Variants in GRID2 observed in about 807,000 individuals in gnomAD.
The protein encoded by GRID2 is glutamate receptor ionotropic, delta-2.
A neutral mutation model predicts 114.8 loss-of-function variants in GRID2; 33 were observed. That is an observed-to-expected ratio of 0.29 (90% CI 0.22 to 0.38). The LOEUF (loss-of-function observed/expected upper bound fraction) is 0.38, where lower values mean the gene tolerates loss of function less well. GRID2 is among the 10% of genes least tolerant of loss of function. The pLI is 1.00. For missense variants in GRID2, 1,184 were observed against 1,257.7 expected (o/e 0.94, Z 0.89); for synonymous variants, 505 against 449.9 (o/e 1.12, Z -1.55).
At chr4:93,690,740 G>A (rs1475824742) in intron 14 of GRID2, among the ~76,000 whole-genome samples, 1 of 151,356 alleles carries the variant, frequency 6.6e-6, no homozygotes, top group East Asian at 1.9e-4. Flanking sequence ...TCAATATAAT[G>A]TACATATACA....
chr4:92,332,363 A>G (rs10015916), intron 1 of GRID2, among the ~76,000 whole-genome samples: 26,321 of 151,914 alleles, frequency 0.17, 3,187 homozygotes, highest in African/African-American at 0.35. Context: ...TCATTCATGA[A>G]GGTGGAGCCC....
chr4:92,846,703 G>A (rs1320608288), intron 2 of GRID2, among the ~76,000 whole-genome samples: 1 of 152,190 alleles, frequency 6.6e-6, no homozygotes, highest in Non-Finnish European at 1.5e-5. Flanking sequence ...GGAAGATGAA[G>A]TGACGTGAAT....
chr4:92,698,872 T>A (rs1460386010), intron 2 of GRID2, among the ~76,000 whole-genome samples: 1 of 152,144 alleles, frequency 6.6e-6, no homozygotes, highest in African/African-American at 2.4e-5. Flanking sequence ...CAAAATTGCA[T>A]TAACAAAAAC....
At chr4:92,568,747 C>T (rs1727472175) in intron 1 of GRID2, among the ~76,000 whole-genome samples, 1 of 151,952 alleles carries the variant, frequency 6.6e-6, no homozygotes, top group South Asian at 2.1e-4. Flanking sequence ...CAGTAGGTCC[C>T]AGTGTCTGTT....
chr4:93,585,257 A>T (rs909411765), intron 13 of GRID2, among the ~76,000 whole-genome samples: 2 of 151,892 alleles, frequency 1.3e-5, no homozygotes, highest in African/African-American at 2.4e-5. Flanking sequence ...CAGGATCTTG[A>T]TCTCATTTGT....
chr4:92,957,764 A>G (rs532440692), intron 2 of GRID2, among the ~76,000 whole-genome samples: 2 of 152,222 alleles, frequency 1.3e-5, no homozygotes, highest in South Asian at 4.1e-4. Flanking sequence ...TATTGAAAAT[A>G]TTGAATCTTT....
chr4:92,578,958 A>G (rs1032308708), intron 1 of GRID2, among the ~76,000 whole-genome samples: 1 of 152,132 alleles, frequency 6.6e-6, no homozygotes, highest in African/African-American at 2.4e-5. Context: ...ATGTTTGCCA[A>G]TTTGCTTTAT....
At chr4:92,356,938 T>G (rs757236655) in intron 1 of GRID2, among the ~76,000 whole-genome samples, 5 of 151,808 alleles carry the variant, frequency 3.3e-5, no homozygotes, top group Non-Finnish European at 5.9e-5. Context: ...TCTAGCAAGG[T>G]TGGAATACCA....
rs72889661 is a variant in GRID2, at chr4:93,189,638, A to G, written c.736-17766A>G. On this transcript the variant is annotated intron_variant, in intron 4 of 15. Transcript: ENST00000282020. ...ATTCAATCATATTAATTTTTTGTTC[A>G]GCACCATACCGAAGTATCCACATAT... is the stretch of plus-strand genomic sequence containing the variant. Among the ~76,000 whole-genome samples, 1,147 of 152,190 alleles carry G rather than the reference A, an allele frequency of 7.5e-3. 19 individuals are homozygous for G. Among genetic ancestry groups the G allele is most frequent in the African/African-American group, 0.026 (1,095 of 41,542 alleles).
chr4:92,372,989 G>A (rs1729188701), intron 1 of GRID2, among the ~76,000 whole-genome samples: 1 of 152,058 alleles, frequency 6.6e-6, no homozygotes, highest in African/African-American at 2.4e-5. Flanking sequence ...AAACAAGTTG[G>A]TTTTATTGGC....
At chr4:93,663,690 G>C (rs1723700125) in intron 14 of GRID2, among the ~76,000 whole-genome samples, 1 of 152,096 alleles carries the variant, frequency 6.6e-6, no homozygotes, top group South Asian at 2.1e-4. Context: ...CATATCATCA[G>C]TGTTATTATG....
At chr4:93,709,671 A>T (rs1047154830) in intron 14 of GRID2, among the ~76,000 whole-genome samples, 3 of 151,944 alleles carry the variant, frequency 2.0e-5, no homozygotes, top group South Asian at 2.1e-4. Context: ...TAAACTTTCT[A>T]CCCTAGTCTT....
At chr4:92,369,470 G>A (rs1729018560) in intron 1 of GRID2, among the ~76,000 whole-genome samples, 1 of 152,114 alleles carries the variant, frequency 6.6e-6, no homozygotes, top group Non-Finnish European at 1.5e-5. Flanking sequence ...GATGCTCTGG[G>A]CCAAAGGACA....
In GRID2 at chr4:93,652,756, G is replaced by A. The variant is rs528383822; in HGVS notation, c.2360+26321G>A. Reference sequence around the variant, plus strand: ...GCAGCCCTGGCAAATTAATACAGTCGATGAATGACAGTAAATGCAGTAAAT... The same window carrying A: ...GCAGCCCTGGCAAATTAATACAGTCAATGAATGACAGTAAATGCAGTAAAT... On this transcript the variant is annotated intron_variant, in intron 14 of 15. Coordinates refer to ENST00000282020, the MANE Select transcript of GRID2 (RefSeq NM_001510.4). Among the ~76,000 whole-genome samples the A allele has an allele frequency of 9.2e-4, 108 of 116,888 alleles. 3 individuals are homozygous for A. The East Asian group carries it at 0.023, about 24-fold the overall frequency. The allele number at this position is 116,888 out of a possible 152,430, so 76.7% of individuals were successfully genotyped here.
intron 14 of GRID2, among the ~76,000 whole-genome samples, chr4:93,713,241 C>T (rs1293777312): frequency 6.6e-6 from 1 of 152,072 alleles, no homozygotes; most frequent in East Asian, 1.9e-4. Context: ...GTTCATTTTA[C>T]AACCAGTTGC....
chr4:93,540,482 A>T (rs1041785791), intron 13 of GRID2, among the ~76,000 whole-genome samples: 1 of 152,156 alleles, frequency 6.6e-6, no homozygotes, highest in South Asian at 2.1e-4. Context: ...ACAACTAGGC[A>T]TAAAAAGAGA....
chr4:92,951,333 T>TTTTATTTATTTA (rs529155664), intron 2 of GRID2, among the ~76,000 whole-genome samples: 2,575 of 150,484 alleles, frequency 0.017, 32 homozygotes, highest in East Asian at 0.042. Flanking sequence ...TCGCAAAATT[T>TTTTATTTATTTA]TTTATTTATT....
At chr4:93,075,165 T>C (rs1729145450) in intron 2 of GRID2, among the ~76,000 whole-genome samples, 1 of 152,112 alleles carries the variant, frequency 6.6e-6, no homozygotes, top group South Asian at 2.1e-4. Context: ...AATCAATCAA[T>C]GCAATTGCCC....
intron 9 of GRID2, among the ~76,000 whole-genome samples, chr4:93,411,303 A>C (rs1270545530): frequency 6.6e-6 from 1 of 152,192 alleles, no homozygotes; most frequent in African/African-American, 2.4e-5. Context: ...TAAGTTCCAT[A>C]TGAATATTTG....
Sources: gnomAD v4.1 joint callset for allele counts (sites outside exome capture counted in the v4.1 genomes callset) on GRCh38, gnomAD v4.1.1 for gene constraint, MANE v1.5 for transcripts, NCBI Gene and HGNC (gene_info 2026-07-23, HGNC 2026-07-21) for gene names.